ADARB2: variants seen among roughly 807,000 people sequenced by gnomAD.
The protein encoded by ADARB2 is adenosine deaminase RNA specific B2 (inactive).
A neutral mutation model predicts 62.2 loss-of-function variants in ADARB2; 25 were observed. The observed-to-expected ratio is 0.40, with a 90% CI of 0.29 to 0.56. ADARB2 has a LOEUF of 0.56. Among genes scored for constraint, ADARB2 ranks in the 20% least tolerant of loss-of-function variants. ADARB2 has a pLI of 0.43. For missense variants in ADARB2, 1,071 were observed against 1,077.4 expected (o/e 0.99, Z 0.08); for synonymous variants, 572 against 500.8 (o/e 1.14, Z -1.90).
intron 1 of ADARB2, among the ~76,000 whole-genome samples, chr10:1,490,899 G>A (rs997390773): frequency 6.6e-6 from 1 of 152,166 alleles, no homozygotes; most frequent in African/African-American, 2.4e-5. Context: ...CAGCAGATAG[G>A]ATGCCATGTC....
At chr10:1,185,439 C>G (rs1836739051) in intron 8 of ADARB2, among the ~76,000 whole-genome samples, 1 of 152,202 alleles carries the variant, frequency 6.6e-6, no homozygotes, top group South Asian at 2.1e-4. Context: ...AACACCGGGG[C>G]TAGTAAGCAA....
At chr10:1,432,715 T>C (rs1487312697) in intron 1 of ADARB2, among the ~76,000 whole-genome samples, 4 of 151,924 alleles carry the variant, frequency 2.6e-5, no homozygotes, top group Non-Finnish European at 5.9e-5. Flanking sequence ...TTAATATGAA[T>C]ATGCTTATTC....
chr10:1,288,530 T>C (rs1176042381), intron 3 of ADARB2, among the ~76,000 whole-genome samples: 1 of 152,218 alleles, frequency 6.6e-6, no homozygotes, highest in Non-Finnish European at 1.5e-5. Flanking sequence ...AGGCAGTAAG[T>C]TGTGGGTCTG....
chr10:1,489,698 G>A (rs959842979), intron 1 of ADARB2, among the ~76,000 whole-genome samples: 8 of 152,152 alleles, frequency 5.3e-5, no homozygotes, highest in African/African-American at 1.2e-4. Flanking sequence ...TAGGTAAGAC[G>A]AACTCTGAAC....
chr10:1,352,534 T>C (rs1281617065), intron 3 of ADARB2, among the ~76,000 whole-genome samples: 1 of 152,172 alleles, frequency 6.6e-6, no homozygotes, highest in Non-Finnish European at 1.5e-5. Context: ...CTGTAGCCTT[T>C]CTGTCCAAAC....
intron 1 of ADARB2, among the ~76,000 whole-genome samples, chr10:1,399,525 C>G (rs1435550717): frequency 1.3e-5 from 2 of 152,088 alleles, no homozygotes; most frequent in South Asian, 2.1e-4. Flanking sequence ...TAGCAGGGTC[C>G]CCGGCCTGGT....
intron 1 of ADARB2, among the ~76,000 whole-genome samples, chr10:1,492,951 C>T (rs531940113): frequency 6.6e-6 from 1 of 152,286 alleles, no homozygotes; most frequent in Admixed American, 6.5e-5. Context: ...AATCCCCACG[C>T]ACTTGCCGAG....
chr10:1,676,128 T>C, intron 1 of ADARB2: 2 of 894,534 alleles, frequency 2.2e-6, no homozygotes, highest in East Asian at 1.2e-4. Context: ...AATTGCCATT[T>C]TGGGTCTTGG....
In ADARB2 at chr10:1,255,991, A is replaced by G. The variant is rs1450948582; in HGVS notation, c.1193-13692T>C. 6.6e-6 allele frequency among the ~76,000 whole-genome samples: 1 copy of G among 152,240 alleles called. No individual in the cohort carries two copies. Among genetic ancestry groups the G allele is most frequent in the African/African-American group, 2.4e-5 (1 of 41,472 alleles). Reference sequence around the variant, plus strand: ...AATTAACTTGACTTTTCCAAAGTATACTTGCGGGGCATGAGAATGGACAGG... The same window carrying G: ...AATTAACTTGACTTTTCCAAAGTATGCTTGCGGGGCATGAGAATGGACAGG... On this transcript the variant is annotated intron_variant, in intron 4 of 9. Coordinates refer to ENST00000381312, the MANE Select transcript of ADARB2 (RefSeq NM_018702.4). The surrounding 1 kb of genome is among the most constrained non-coding windows in gnomAD (Gnocchi z 4.7).
At chr10:1,553,727 G>A (rs1832661908) in intron 1 of ADARB2, among the ~76,000 whole-genome samples, 4 of 152,150 alleles carry the variant, frequency 2.6e-5, no homozygotes. Flanking sequence ...TGCCAGAGTA[G>A]GTTAAGAATA....
intron 1 of ADARB2, among the ~76,000 whole-genome samples, chr10:1,589,449 G>A (rs557196931): frequency 5.3e-5 from 8 of 151,468 alleles, no homozygotes; most frequent in Admixed American, 3.3e-4. Flanking sequence ...GTCCATGGTC[G>A]GGGTGTCCAT....
chr10:1,476,530 C>T (rs528262517), intron 1 of ADARB2, among the ~76,000 whole-genome samples: 8 of 152,300 alleles, frequency 5.3e-5, no homozygotes, highest in African/African-American at 1.7e-4. Flanking sequence ...GAGGCCTGAA[C>T]GCATCTGCCA....
intron 1 of ADARB2, among the ~76,000 whole-genome samples, chr10:1,719,888 G>GT (rs1156286951): frequency 2.0e-5 from 3 of 152,172 alleles, no homozygotes; most frequent in African/African-American, 7.2e-5. Context: ...AAGTCAGAAG[G>GT]TATCAGATGC....
intron 3 of ADARB2, among the ~76,000 whole-genome samples, chr10:1,279,530 G>A (rs1390403636): frequency 6.6e-6 from 1 of 152,126 alleles, no homozygotes; most frequent in East Asian, 1.9e-4. Context: ...TGCTCAGGCT[G>A]GTCTCAAACT....
rs961079733 is a variant in ADARB2, at chr10:1,376,666, A to C, written c.187+2408T>G. 2.6e-5 allele frequency among the ~76,000 whole-genome samples: 4 copies of C among 152,078 alleles called. No individual in the cohort carries two copies. In the South Asian group the frequency reaches 8.3e-4, roughly 32 times the overall value. Reference sequence around the variant, plus strand: ...GTTGCTACAGAAAGGCGGCTGCTGCACCTCTGTAAGTTTGAAACCATTCGC... The same window carrying C: ...GTTGCTACAGAAAGGCGGCTGCTGCCCCTCTGTAAGTTTGAAACCATTCGC... On this transcript the variant is annotated intron_variant, in intron 2 of 9. Transcript: ENST00000381312.
intron 3 of ADARB2, among the ~76,000 whole-genome samples, chr10:1,335,648 G>T (rs1831967306): frequency 6.6e-6 from 1 of 152,134 alleles, no homozygotes; most frequent in South Asian, 2.1e-4. Context: ...ACAAACTTGG[G>T]CCATCATTTA....
At chr10:1,327,625 C>G (rs1198893764) in intron 3 of ADARB2, among the ~76,000 whole-genome samples, 2 of 95,436 alleles carry the variant, frequency 2.1e-5, no homozygotes, top group South Asian at 3.1e-4. Context: ...CAGCGCCTCC[C>G]CACGGCACAG....
chr10:1,468,834 C>T (rs1177959003), intron 1 of ADARB2, among the ~76,000 whole-genome samples: 1 of 152,168 alleles, frequency 6.6e-6, no homozygotes, highest in Non-Finnish European at 1.5e-5. Context: ...ACCTCCGTGC[C>T]CAAGTGGGAC....
At chr10:1,653,485 C>G in intron 1 of ADARB2, among the ~76,000 whole-genome samples, 1 of 95,072 alleles carries the variant, frequency 1.1e-5, no homozygotes, top group Non-Finnish European at 2.2e-5. Context: ...TTGGTCAGCG[C>G]TCTCCACCCG....
Sources: allele counts gnomAD v4.1 joint callset (sites outside exome capture counted in the v4.1 genomes callset), GRCh38; gene constraint gnomAD v4.1.1; non-coding constraint Gnocchi (gnomAD v3.1); transcripts MANE v1.5; gene names NCBI Gene and HGNC (gene_info 2026-07-23, HGNC 2026-07-21).